TOX: variants seen among roughly 807,000 people sequenced by gnomAD.
TOX encodes the protein thymocyte selection associated high mobility group box, also known as thymocyte selection-associated high mobility group box protein TOX.
A neutral mutation model predicts 53.7 loss-of-function variants in TOX; 11 were observed. The ratio of observed to expected loss-of-function variants is 0.20; its 90% CI spans 0.13 to 0.34. The LOEUF (loss-of-function observed/expected upper bound fraction) is 0.34, where lower values mean the gene tolerates loss of function less well. Among genes scored for constraint, TOX ranks in the 10% least tolerant of loss-of-function variants. The pLI is 1.00. For synonymous variants in TOX, 225 were observed against 245.3 expected (o/e 0.92, Z 0.77); for missense variants, 570 against 664.6 (o/e 0.86, Z 1.56).
chr8:58,823,268 G>A (rs1341880604), intron 6 of TOX, among the ~76,000 whole-genome samples: 1 of 152,054 alleles, frequency 6.6e-6, no homozygotes, highest in Admixed American at 6.6e-5. Flanking sequence ...TGTCGCCCAG[G>A]ATGGAGGGCA....
rs190474631 is a variant in TOX, at chr8:58,827,610, A to G, written c.925-708T>C. Among the ~76,000 whole-genome samples, 3 of 152,322 alleles carry G rather than the reference A, an allele frequency of 2.0e-5. No homozygotes were observed. The East Asian group carries it at 5.8e-4, about 29-fold the overall frequency. On this transcript the variant is annotated intron_variant, in intron 5 of 8. Coordinates refer to ENST00000361421, the MANE Select transcript of TOX (RefSeq NM_014729.3). ...GTGGACACCTCATTTTGAAAAGGTA[A>G]AAGTGTTCTGAAATGAATTTCAGTT...
chr8:58,930,486 T>A (rs1812239539), intron 3 of TOX, among the ~76,000 whole-genome samples: 1 of 152,062 alleles, frequency 6.6e-6, no homozygotes, highest in Non-Finnish European at 1.5e-5. Context: ...GGGAGTGGAG[T>A]TAATGCTGAG....
intron 3 of TOX, among the ~76,000 whole-genome samples, chr8:58,894,805 A>C (rs28578150): frequency 0.3 from 44,833 of 151,918 alleles, 7,960 homozygotes; most frequent in Non-Finnish European, 0.39. Context: ...CTGAGGCAGA[A>C]GAATCGCTTG....
intron 1 of TOX, among the ~76,000 whole-genome samples, chr8:59,042,756 A>C (rs1374158839): frequency 6.6e-6 from 1 of 152,226 alleles, no homozygotes; most frequent in East Asian, 1.9e-4. Context: ...CCAGAACTTT[A>C]ACATGGGTAT....
intron 3 of TOX, among the ~76,000 whole-genome samples, chr8:58,920,564 G>A (rs1164737637): frequency 1.6e-5 from 1 of 63,664 alleles, no homozygotes; most frequent in Non-Finnish European, 3.0e-5. Context: ...TGGTGGGGTC[G>A]GGGGAGGGGG....
chr8:58,851,869 A>C lies in TOX; in HGVS notation c.412-64T>G, dbSNP rs1004338708. On this transcript the variant is annotated intron_variant, in intron 3 of 8. Coordinates refer to ENST00000361421, the MANE Select transcript of TOX (RefSeq NM_014729.3). This position sits in a 1 kb window ranked among gnomAD's most constrained non-coding sequence, Gnocchi z 4.4. ...TAAATAGGAAAGGAGTAATTTTAAC[A>C]AATATGTTTTGGGCAAAAAAGTAAT... 1 of 1,233,936 alleles carries C rather than the reference A, an allele frequency of 8.1e-7. No individual in the cohort carries two copies. The highest frequency in any genetic ancestry group is 1.0e-6 in the Non-Finnish European group (1 of 978,358). 76.4% of individuals were successfully genotyped at this position (1,233,936 alleles called of 1,614,324 possible). A position where few individuals can be genotyped will look rare whatever the true frequency, so the allele number is the denominator to read the frequency against.
At chr8:59,065,860 A>G (rs1025978153) in intron 1 of TOX, among the ~76,000 whole-genome samples, 1 of 152,190 alleles carries the variant, frequency 6.6e-6, no homozygotes, top group Non-Finnish European at 1.5e-5. Context: ...GAAAAAAAAA[A>G]TCATCAAATA....
chr8:58,997,942 G>A (rs182329743), intron 1 of TOX, among the ~76,000 whole-genome samples: 5 of 152,084 alleles, frequency 3.3e-5, no homozygotes, highest in African/African-American at 9.6e-5. Context: ...ACAGGTGCCC[G>A]CCACCATGCC....
chr8:59,090,863 T>G (rs1804596552), intron 1 of TOX, among the ~76,000 whole-genome samples: 1 of 152,102 alleles, frequency 6.6e-6, no homozygotes, highest in Non-Finnish European at 1.5e-5. Flanking sequence ...ATCAACCACC[T>G]TCTGCATGTG....
chr8:59,046,858 CAAAAAAAAAAAAAAA>C lies in TOX; in HGVS notation c.102+72013_102+72027del, dbSNP rs34869193. 3.2e-4 allele frequency among the ~76,000 whole-genome samples: 25 copies of C among 77,884 alleles called. No homozygotes were observed. In the East Asian group the frequency reaches 7.5e-3, roughly 23 times the overall value. 51.1% of individuals were successfully genotyped at this position (77,884 alleles called of 152,430 possible). ...TGGGAGACAGAGTGAGACTATGTCT[CAAAAAAAAAAAAAAA>C]AAAAAAAAAAGAAAAGAAAAAAGGA... On this transcript the variant is annotated intron_variant, in intron 1 of 8. Coordinates refer to ENST00000361421, the MANE Select transcript of TOX (RefSeq NM_014729.3).
intron 3 of TOX, among the ~76,000 whole-genome samples, chr8:58,872,911 A>G (rs960751741): frequency 2.6e-5 from 4 of 152,176 alleles, no homozygotes; most frequent in African/African-American, 9.6e-5. Context: ...TGTGACACAT[A>G]TATCATACTA....
chr8:59,058,630 TGA>T (rs1803925411), intron 1 of TOX, among the ~76,000 whole-genome samples: 1 of 152,206 alleles, frequency 6.6e-6, no homozygotes, highest in African/African-American at 2.4e-5. Context: ...GCGAGCCCTG[TGA>T]CTGTTCATCC....
chr8:58,829,090 C>A (rs963903584), intron 5 of TOX, among the ~76,000 whole-genome samples: 2 of 152,138 alleles, frequency 1.3e-5, no homozygotes, highest in Non-Finnish European at 1.5e-5. Context: ...GCAGATAAGA[C>A]AGTATTGCCA....
At chr8:58,906,509 C>T (rs555014943) in intron 3 of TOX, among the ~76,000 whole-genome samples, 11 of 152,290 alleles carry the variant, frequency 7.2e-5, no homozygotes, top group Admixed American at 5.2e-4. Context: ...TGAAAAGACG[C>T]CTTGCTGATC....
chr8:59,012,807 G>C (rs1240555713), intron 1 of TOX, among the ~76,000 whole-genome samples: 1 of 151,004 alleles, frequency 6.6e-6, no homozygotes, highest in Non-Finnish European at 1.5e-5. Flanking sequence ...ACTTTACCAA[G>C]AAAGAAACTG....
chr8:59,019,588 C>A lies in TOX; in HGVS notation c.103-59580G>T, dbSNP rs186980007. Among the ~76,000 whole-genome samples, 141 of 152,080 alleles carry A rather than the reference C, an allele frequency of 9.3e-4. No homozygotes were observed. In the South Asian group the frequency reaches 9.8e-3, roughly 11 times the overall value. On this transcript the variant is annotated intron_variant, in intron 1 of 8. Coordinates refer to ENST00000361421, the MANE Select transcript of TOX (RefSeq NM_014729.3). ...CAAAAATGAAATTTAATTTGTGTCTCAATTGACAAAATATTAAGAATATAT... is the reference window on the plus strand; with the variant it reads ...CAAAAATGAAATTTAATTTGTGTCTAAATTGACAAAATATTAAGAATATAT...
At chr8:59,116,733 A>T (rs913683108) in intron 1 of TOX, among the ~76,000 whole-genome samples, 2 of 152,240 alleles carry the variant, frequency 1.3e-5, no homozygotes, top group Non-Finnish European at 2.9e-5. Flanking sequence ...TAAAAAATCT[A>T]TTATTCTCTG....
chr8:58,942,108 C>T lies in TOX; in HGVS notation c.169-2564G>A, dbSNP rs17233154. Reference sequence around the variant, plus strand: ...AGAAATTCTCCTGAATAAGGCACAACTAATGCCAGCAATAATGGAGAAAGA... The same window carrying T: ...AGAAATTCTCCTGAATAAGGCACAATTAATGCCAGCAATAATGGAGAAAGA... On this transcript the variant is annotated intron_variant, in intron 2 of 8. Transcript: ENST00000361421. 1.5e-3 allele frequency among the ~76,000 whole-genome samples: 221 copies of T among 150,346 alleles called. 1 individual carries two copies. The highest frequency in any genetic ancestry group is 4.0e-3 in the Admixed American group (61 of 15,098).
At chr8:58,832,539 T>C (rs1585849802) in intron 5 of TOX, among the ~76,000 whole-genome samples, 1 of 152,266 alleles carries the variant, frequency 6.6e-6, no homozygotes, top group East Asian at 1.9e-4. Flanking sequence ...CAGCATTATG[T>C]AGTGGGTGTC....
Sources: allele counts gnomAD v4.1 joint callset (sites outside exome capture counted in the v4.1 genomes callset), GRCh38; gene constraint gnomAD v4.1.1; non-coding constraint Gnocchi (gnomAD v3.1); transcripts MANE v1.5; gene names NCBI Gene and HGNC (gene_info 2026-07-23, HGNC 2026-07-21).